Variants in FSIP1 observed in about 807,000 individuals in gnomAD.
The protein encoded by FSIP1 is fibrous sheath-interacting protein 1.
FSIP1 carries 65 observed loss-of-function variants against 60.9 expected under a neutral mutation model. The ratio of observed to expected loss-of-function variants is 1.07; its 90% confidence interval spans 0.87 to 1.31. FSIP1 has a LOEUF of 1.31. Ranked by LOEUF, FSIP1 falls within the 40% of genes most tolerant of loss-of-function variation. FSIP1 has a pLI of 0.00. For missense variants in FSIP1, 675 were observed against 665.5 expected, an observed-to-expected ratio of 1.01 and a Z score of -0.16; for synonymous variants, 209 against 221.2, an observed-to-expected ratio of 0.94 and a Z score of 0.49.
At chr15:39,613,874 G>A (rs986790761) in intron 11 of FSIP1, among the ~76,000 whole-genome samples, 2 of 152,126 alleles carry the variant, frequency 1.3e-5, no homozygotes, top group African/African-American at 4.8e-5. Context: ...CTCAATAGAT[G>A]AAGAAAAAGC....
At chr15:39,776,360 T>G in intron 2 of FSIP1, 39 bp downstream of exon 2, 1 of 1,596,000 alleles carries the variant, frequency 6.3e-7, no homozygotes, top group South Asian at 1.1e-5. Context: ...GCTGAGAGGT[T>G]GGGGAAAGGA....
chr15:39,636,400 C>A (rs1408610382), intron 10 of FSIP1, among the ~76,000 whole-genome samples: 1 of 152,178 alleles, frequency 6.6e-6, no homozygotes, highest in Non-Finnish European at 1.5e-5. Context: ...CACCTCCTAC[C>A]TTTGACTTTG....
At chr15:39,598,793 A>C (rs1381392578), downstream of FSIP1, 9 of 152,124 alleles carry the variant, frequency 5.9e-5, no homozygotes, top group Admixed American at 5.9e-4. Flanking sequence ...TCTTATAAGA[A>C]TGTACATACA....
At chr15:39,610,942 A>G (rs1266210743) in intron 11 of FSIP1, among the ~76,000 whole-genome samples, 1 of 152,232 alleles carries the variant, frequency 6.6e-6, no homozygotes, top group Non-Finnish European at 1.5e-5. Context: ...AAGTAAGTTT[A>G]TCACCACTAG....
chr15:39,620,464 G>C (rs1286196270), intron 10 of FSIP1, among the ~76,000 whole-genome samples: 1 of 151,980 alleles, frequency 6.6e-6, no homozygotes, highest in Non-Finnish European at 1.5e-5. Flanking sequence ...GTTAACTGGA[G>C]AAAATATCAA....
At chr15:39,723,405 A>AT (rs1566901810) in intron 9 of FSIP1, among the ~76,000 whole-genome samples, 1 of 152,058 alleles carries the variant, frequency 6.6e-6, no homozygotes, top group Non-Finnish European at 1.5e-5. Context: ...ATTTTTTGGT[A>AT]TTTTTAGTAG....
chr15:39,737,033 G>A (rs897605860), intron 8 of FSIP1, among the ~76,000 whole-genome samples: 1 of 152,170 alleles, frequency 6.6e-6, no homozygotes, highest in Non-Finnish European at 1.5e-5. Flanking sequence ...TCAGGGAAAG[G>A]GGATATGGGC....
intron 9 of FSIP1, among the ~76,000 whole-genome samples, chr15:39,719,893 C>T (rs1306497588): frequency 6.6e-6 from 1 of 152,164 alleles, no homozygotes; most frequent in Admixed American, 6.5e-5. Flanking sequence ...CCAGATTTAA[C>T]TGGAGATCTA....
chr15:39,762,532 T>A (rs16969805), intron 5 of FSIP1, among the ~76,000 whole-genome samples: 1 of 152,184 alleles, frequency 6.6e-6, no homozygotes, highest in African/African-American at 2.4e-5. Context: ...GAGAGAGACA[T>A]TACCAAAATC....
intron 9 of FSIP1, among the ~76,000 whole-genome samples, chr15:39,724,227 T>G (rs2140585417): frequency 6.6e-6 from 1 of 152,056 alleles, no homozygotes. Flanking sequence ...ATTTTGCTGA[T>G]GATAAGAAAA....
chr15:39,663,855 C>A (rs1172308770), intron 10 of FSIP1, among the ~76,000 whole-genome samples: 1 of 152,194 alleles, frequency 6.6e-6, no homozygotes, highest in Admixed American at 6.5e-5. Flanking sequence ...TTAAACTCTA[C>A]TTCATCGGCA....
chr15:39,626,467 C>G (rs953258429), intron 10 of FSIP1, among the ~76,000 whole-genome samples: 1 of 152,130 alleles, frequency 6.6e-6, no homozygotes. Context: ...TGGCCTTGCA[C>G]AGTCTGCCCG....
At chr15:39,658,422 G>C (rs1025718155) in intron 10 of FSIP1, among the ~76,000 whole-genome samples, 11 of 151,916 alleles carry the variant, frequency 7.2e-5, no homozygotes, top group African/African-American at 2.7e-4. Flanking sequence ...GCTAATTTTT[G>C]TATTTTTAGC....
intron 3 of FSIP1, among the ~76,000 whole-genome samples, chr15:39,768,474 G>A (rs1363834322): frequency 1.3e-5 from 2 of 152,158 alleles, no homozygotes; most frequent in South Asian, 2.1e-4. Context: ...TACTAATTAT[G>A]TTAACATAAG....
At chr15:39,744,691 AGT>A (rs530419926) in intron 5 of FSIP1, among the ~76,000 whole-genome samples, 208 of 137,678 alleles carry the variant, frequency 1.5e-3, no homozygotes, top group African/African-American at 4.7e-3. Flanking sequence ...AAGCAAAGGC[AGT>A]GTGGCATGCT....
chr15:39,653,791 C>T (rs1280326482), intron 10 of FSIP1, among the ~76,000 whole-genome samples: 1 of 152,240 alleles, frequency 6.6e-6, no homozygotes, highest in Non-Finnish European at 1.5e-5. Flanking sequence ...TCCTTGCCTT[C>T]TGCCATGACT....
At chr15:39,658,279 G>C (rs1325524761) in intron 10 of FSIP1, among the ~76,000 whole-genome samples, 1 of 145,490 alleles carries the variant, frequency 6.9e-6, no homozygotes, top group Non-Finnish European at 1.5e-5. Flanking sequence ...TTTTGAGATG[G>C]AGTCTCGCTG....
At chr15:39,614,427 TA>T (rs1461556291) in intron 11 of FSIP1, among the ~76,000 whole-genome samples, 1 of 152,008 alleles carries the variant, frequency 6.6e-6, no homozygotes, top group Non-Finnish European at 1.5e-5. Context: ...GCAAATCAAT[TA>T]AAAGATGTCC....
intron 5 of FSIP1, among the ~76,000 whole-genome samples, chr15:39,762,280 G>A (rs1049310765): frequency 5.3e-5 from 8 of 152,156 alleles, no homozygotes; most frequent in Admixed American, 1.3e-4. Flanking sequence ...CATTCCTTCC[G>A]AATGATTCCT....
Sources: allele counts gnomAD v4.1 joint callset (sites outside exome capture counted in the v4.1 genomes callset), GRCh38; gene constraint gnomAD v4.1.1; transcripts MANE v1.5; gene names NCBI Gene and HGNC (gene_info 2026-07-23, HGNC 2026-07-21).